SAMD5: variants seen among roughly 807,000 people sequenced by gnomAD.
SAMD5 encodes sterile alpha motif domain-containing protein 5.
In SAMD5, 13 loss-of-function variants were observed where a neutral mutation model predicts 11.3. The observed-to-expected ratio is 1.15, with a 90% CI of 0.75 to 1.83. The LOEUF (loss-of-function observed/expected upper bound fraction) is 1.83. SAMD5 is among the 40% of genes most tolerant of loss of function. The probability of loss-of-function intolerance (pLI) is 0.00; values close to 1 mark genes in which losing one functional copy is unlikely to be tolerated. For synonymous variants in SAMD5, 129 were observed against 111.3 expected (o/e 1.16, Z -1.00); for missense variants, 255 against 239.1 (o/e 1.07, Z -0.44).
chr6:147,943,938 G>A, the SAMD5 span, among the ~76,000 whole-genome samples: 3 of 152,238 alleles, frequency 2.0e-5, no homozygotes, highest in East Asian at 5.8e-4. Flanking sequence ...GGGAGGCTGT[G>A]AGAATGTGCT....
the SAMD5 span, among the ~76,000 whole-genome samples, chr6:147,951,225 A>C: frequency 6.7e-6 from 1 of 148,764 alleles, no homozygotes; most frequent in African/African-American, 2.5e-5. Context: ...CTCTGTCGCC[A>C]GGCTGGAGTG....
chr6:147,512,082 G>C (rs1788099022), intron 1 of SAMD5, among the ~76,000 whole-genome samples: 1 of 152,136 alleles, frequency 6.6e-6, no homozygotes. Flanking sequence ...AGCCTCCCAA[G>C]TAGTACCTGG....
At chr6:147,694,713 A>T (rs556393458) in intron 1 of SAMD5, among the ~76,000 whole-genome samples, 16 of 152,294 alleles carry the variant, frequency 1.1e-4, no homozygotes, top group Non-Finnish European at 2.2e-4. Flanking sequence ...GCTACTCAGG[A>T]GGCTGAGGTG....
At chr6:147,796,489 G>A in the SAMD5 span, among the ~76,000 whole-genome samples, 2 of 152,194 alleles carry the variant, frequency 1.3e-5, no homozygotes, top group East Asian at 3.8e-4. Flanking sequence ...ATAGTTTGAA[G>A]TCAGGTAGTG....
the SAMD5 span, among the ~76,000 whole-genome samples, chr6:147,859,738 G>GT: frequency 6.6e-6 from 1 of 151,772 alleles, no homozygotes; most frequent in Non-Finnish European, 1.5e-5. Context: ...TTCTTACTCT[G>GT]TTTTTTGGGT....
At chr6:147,551,274 G>T (rs1306526683) in intron 1 of SAMD5, among the ~76,000 whole-genome samples, 1 of 152,096 alleles carries the variant, frequency 6.6e-6, no homozygotes, top group Non-Finnish European at 1.5e-5. Context: ...ATTACAGCAT[G>T]ATAGAACCGG....
chr6:147,581,442 G>T (rs1789296083), intron 1 of SAMD5, among the ~76,000 whole-genome samples: 3 of 152,182 alleles, frequency 2.0e-5, no homozygotes, highest in Admixed American at 2.0e-4. Flanking sequence ...ATGGCCCAGG[G>T]ACAGCGGGAA....
downstream of SAMD5, among the ~76,000 whole-genome samples, chr6:147,572,344 T>A (rs572727696): frequency 6.6e-6 from 1 of 152,350 alleles, no homozygotes; most frequent in African/African-American, 2.4e-5. Flanking sequence ...TCAGATTTTC[T>A]GACTTTCCTG....
chr6:147,885,422 T>A, the SAMD5 span, among the ~76,000 whole-genome samples: 1 of 152,184 alleles, frequency 6.6e-6, no homozygotes, highest in South Asian at 2.1e-4. Context: ...AACCCTTTTT[T>A]CTTTAAAAAC....
At chr6:147,919,829 C>G in the SAMD5 span, among the ~76,000 whole-genome samples, 20 of 152,184 alleles carry the variant, frequency 1.3e-4, no homozygotes, top group Non-Finnish European at 2.5e-4. Flanking sequence ...ATTATCACAT[C>G]TGTCCTCCTT....
chr6:147,881,207 A>C, the SAMD5 span, among the ~76,000 whole-genome samples: 1 of 152,212 alleles, frequency 6.6e-6, no homozygotes, highest in Non-Finnish European at 1.5e-5. Context: ...GGCAAAACTA[A>C]GATCTTTGTT....
chr6:147,704,673 G>C (rs1278553605), intron 1 of SAMD5, among the ~76,000 whole-genome samples: 1 of 152,066 alleles, frequency 6.6e-6, no homozygotes, highest in African/African-American at 2.4e-5. Context: ...ATCCCTTTAA[G>C]GTTGACAAAA....
At chr6:147,629,094 T>A (rs1394343668) in intron 1 of SAMD5, among the ~76,000 whole-genome samples, 1 of 152,098 alleles carries the variant, frequency 6.6e-6, no homozygotes, top group Non-Finnish European at 1.5e-5. Context: ...AGTTTGAGAC[T>A]AGCATGGCCA....
intron 1 of SAMD5, among the ~76,000 whole-genome samples, chr6:147,621,393 G>A (rs1201175563): frequency 2.0e-5 from 3 of 152,162 alleles, no homozygotes; most frequent in Non-Finnish European, 4.4e-5. Flanking sequence ...GTTGGAGATG[G>A]GAGCAGGAGA....
the SAMD5 span, among the ~76,000 whole-genome samples, chr6:147,794,825 G>C: frequency 8.1e-3 from 1,236 of 151,912 alleles, 13 homozygotes; most frequent in African/African-American, 0.029. Flanking sequence ...GGTCATTATA[G>C]GACTCACCTG....
the SAMD5 span, among the ~76,000 whole-genome samples, chr6:147,852,813 G>T: frequency 6.6e-6 from 1 of 152,048 alleles, no homozygotes; most frequent in East Asian, 1.9e-4. Context: ...CCAACACATG[G>T]CTCTTTTCTG....
chr6:147,795,472 A>T, the SAMD5 span, among the ~76,000 whole-genome samples: 1 of 146,004 alleles, frequency 6.8e-6, no homozygotes, highest in Non-Finnish European at 1.5e-5. Context: ...TCATTGTTGG[A>T]CATTTGGGTT....
intron 1 of SAMD5, among the ~76,000 whole-genome samples, chr6:147,579,756 C>A (rs1789269585): frequency 6.6e-6 from 1 of 152,124 alleles, no homozygotes; most frequent in Admixed American, 6.5e-5. Flanking sequence ...TGAATCAGGG[C>A]CCTGCCCTGA....
chr6:147,923,141 C>T, the SAMD5 span, among the ~76,000 whole-genome samples: 1 of 152,116 alleles, frequency 6.6e-6, no homozygotes, highest in Non-Finnish European at 1.5e-5. Flanking sequence ...TTATGGGGCC[C>T]ACCGGTGTTG....
Sources: allele counts gnomAD v4.1 joint callset (sites outside exome capture counted in the v4.1 genomes callset), GRCh38; gene constraint gnomAD v4.1.1; transcripts MANE v1.5; gene names NCBI Gene and HGNC (gene_info 2026-07-23, HGNC 2026-07-21).